The following PARM1 variants were observed in gnomAD, a reference collection of about 807,000 sequenced individuals.
PARM1 encodes prostate androgen-regulated mucin-like protein 1.
Under a neutral mutation model 24.6 loss-of-function variants are expected in PARM1, and 14 were observed. The ratio of observed to expected loss-of-function variants is 0.57; its 90% CI spans 0.38 to 0.89. The LOEUF (loss-of-function observed/expected upper bound fraction) is 0.89. Ranked by LOEUF, PARM1 falls within the 40% of genes least tolerant of loss-of-function variation. PARM1 has a pLI of 0.00. For missense variants in PARM1, 362 were observed against 380.4 expected (o/e 0.95, Z 0.40); for synonymous variants, 179 against 156.6 (o/e 1.14, Z -1.07).
chr4:74,981,396 A>G (rs2109772473), intron 1 of PARM1, among the ~76,000 whole-genome samples: 1 of 152,352 alleles, frequency 6.6e-6, no homozygotes, highest in East Asian at 1.9e-4. Flanking sequence ...ATCACTGATC[A>G]TTAGAGAAAT....
At chr4:74,980,774 C>T (rs1441120157) in intron 1 of PARM1, among the ~76,000 whole-genome samples, 3 of 152,080 alleles carry the variant, frequency 2.0e-5, no homozygotes, top group African/African-American at 7.2e-5. Flanking sequence ...AAAGCAGACA[C>T]ATAGACCAAT....
intron 1 of PARM1, chr4:74,956,843 A>C (rs1216600888): frequency 6.6e-6 from 1 of 152,264 alleles, no homozygotes; most frequent in African/African-American, 2.4e-5. Flanking sequence ...TGGGAGATGC[A>C]TGATTTATAT....
At position 74,964,619 on chromosome 4, in the gene PARM1, C is replaced by G. The variant is rs1045718362; in HGVS notation, c.43+31249C>G. Among the ~76,000 whole-genome samples, 14 of 151,972 alleles carry G rather than the reference C, an allele frequency of 9.2e-5. No individual in the cohort carries two copies. The East Asian group carries it at 2.5e-3, about 27-fold the overall frequency. Reference sequence around the variant, plus strand: ...GATCTTTTGTTTATGATTCTCTTCACAGCTTTTAATACACTTCATTTTTAT... The same window carrying G: ...GATCTTTTGTTTATGATTCTCTTCAGAGCTTTTAATACACTTCATTTTTAT... On this transcript the variant is annotated intron_variant, in intron 1 of 3. Coordinates refer to ENST00000307428, the MANE Select transcript of PARM1 (RefSeq NM_015393.4).
chr4:74,977,021 C>A (rs574000643), intron 1 of PARM1, among the ~76,000 whole-genome samples: 2 of 152,042 alleles, frequency 1.3e-5, no homozygotes, highest in East Asian at 1.9e-4. Context: ...GCAAGAATAC[C>A]GAAAACTCAA....
intron 1 of PARM1, among the ~76,000 whole-genome samples, chr4:74,975,166 C>T (rs1010785208): frequency 5.3e-5 from 8 of 152,098 alleles, no homozygotes; most frequent in African/African-American, 9.7e-5. Flanking sequence ...ATCCAGTTTT[C>T]GAAAGATTGC....
chr4:74,945,219 A>G (rs546076442), intron 1 of PARM1, among the ~76,000 whole-genome samples: 5 of 152,324 alleles, frequency 3.3e-5, no homozygotes, highest in African/African-American at 1.2e-4. Context: ...AGAAGGATAC[A>G]ATGGTATCTG....
At chr4:74,941,300 T>A (rs1054538027) in intron 1 of PARM1, among the ~76,000 whole-genome samples, 1 of 152,114 alleles carries the variant, frequency 6.6e-6, no homozygotes. Flanking sequence ...TGCTAGGAAA[T>A]GTTGCTGGGG....
intron 1 of PARM1, among the ~76,000 whole-genome samples, chr4:74,978,406 A>T (rs1722178516): frequency 6.6e-6 from 1 of 152,252 alleles, no homozygotes; most frequent in Non-Finnish European, 1.5e-5. Context: ...CAACATGAAG[A>T]GCTAACTATC....
At chr4:75,025,610 G>A (rs1480302528) in intron 2 of PARM1, among the ~76,000 whole-genome samples, 4 of 152,132 alleles carry the variant, frequency 2.6e-5, no homozygotes, top group African/African-American at 9.7e-5. Context: ...TGCATTAATT[G>A]CAAATGTGCG....
rs532629939 is a variant in PARM1, at chr4:74,935,988, T to C, written c.43+2618T>C. ...CTGGGACTACAGGTTCACACCACCA[T>C]AGGCAGCTAAATTTTTTTATTTTTT... On this transcript the variant is annotated intron_variant, in intron 1 of 3. Transcript: ENST00000307428. 2.0e-5 allele frequency among the ~76,000 whole-genome samples: 3 copies of C among 152,178 alleles called. No individual in the cohort carries two copies. In the South Asian group the frequency reaches 6.2e-4, roughly 32 times the overall value.
chr4:74,968,731 G>A (rs1385442577), intron 1 of PARM1, among the ~76,000 whole-genome samples: 4 of 152,184 alleles, frequency 2.6e-5, no homozygotes, highest in Admixed American at 2.6e-4. Flanking sequence ...CAGAACAAAT[G>A]AAAGAACTTT....
intron 1 of PARM1, among the ~76,000 whole-genome samples, chr4:75,003,101 A>G (rs1722711592): frequency 1.3e-5 from 2 of 151,996 alleles, no homozygotes; most frequent in South Asian, 4.2e-4. Context: ...TCCACCTTCA[A>G]CCACAAAGTG....
Position 75,033,941 on chromosome 4 carries a change from T to C in PARM1, c.828T>C (p.Val276=), listed in dbSNP as rs1723321814. The C allele has an allele frequency of 1.2e-6, 2 of 1,602,792 alleles. No individual in the cohort carries two copies. Among genetic ancestry groups the C allele is most frequent in the South Asian group, 1.1e-5 (1 of 88,346 alleles). ...VIAVVLLVFG[V]AAYLKIRHSS... Reference sequence around the variant, plus strand: ...CCGTGGTGCTGCTGGTGTTTGGAGTTGCAGCCTACCTAAAAATCAGGTGAG... The same window carrying C: ...CCGTGGTGCTGCTGGTGTTTGGAGTCGCAGCCTACCTAAAAATCAGGTGAG... The change falls in exon 3 of 4, where the codon GTT becomes GTC. Residue 276 remains valine, a synonymous_variant. Coordinates refer to ENST00000307428, the MANE Select transcript of PARM1 (RefSeq NM_015393.4).
rs954532862 is a variant in PARM1 at position 75,039,523 on chromosome 4, G to GA, written c.848+5571dup. 3.3e-4 allele frequency among the ~76,000 whole-genome samples: 50 copies of GA among 151,018 alleles called. 1 individual carries two copies. The South Asian group carries it at 8.0e-3, about 24-fold the overall frequency. ...CACTTCAGCCTGCGTGACACAGCGA[G>GA]AAAAAAAAATAAAATAAAATAAATA... On this transcript the variant is annotated intron_variant, in intron 3 of 3. Transcript: ENST00000307428.
intron 1 of PARM1, among the ~76,000 whole-genome samples, chr4:74,967,939 T>A (rs1391966930): frequency 6.6e-6 from 1 of 152,226 alleles, no homozygotes; most frequent in Non-Finnish European, 1.5e-5. Context: ...AACACAGAAT[T>A]CTGTTGCCTT....
intron 1 of PARM1, chr4:74,994,199 T>A (rs1035598808): frequency 6.6e-6 from 1 of 152,154 alleles, no homozygotes; most frequent in East Asian, 1.9e-4. Context: ...AATTTTTTCC[T>A]GAAAACTCCC....
chr4:74,955,794 C>G (rs1332930738), intron 1 of PARM1, among the ~76,000 whole-genome samples: 1 of 152,196 alleles, frequency 6.6e-6, no homozygotes, highest in African/African-American at 2.4e-5. Flanking sequence ...TGTCAGTAAA[C>G]ATAGAAGTCA....
chr4:75,011,673 A>T (rs1321015074), intron 1 of PARM1, among the ~76,000 whole-genome samples: 1 of 152,230 alleles, frequency 6.6e-6, no homozygotes, highest in Non-Finnish European at 1.5e-5. Flanking sequence ...TTTACAACAT[A>T]TGAAGGAGTG....
At chr4:75,026,192 T>A (rs546999959) in intron 2 of PARM1, among the ~76,000 whole-genome samples, 1 of 152,340 alleles carries the variant, frequency 6.6e-6, no homozygotes, top group South Asian at 2.1e-4. Flanking sequence ...TTCAGGTTTT[T>A]AAAAAATAGC....
Sources: gnomAD v4.1 joint callset for allele counts (sites outside exome capture counted in the v4.1 genomes callset) on GRCh38, gnomAD v4.1.1 for gene constraint, MANE v1.5 for transcripts, NCBI Gene and HGNC (gene_info 2026-07-23, HGNC 2026-07-21) for gene names.